PCDHA5: variants seen among roughly 807,000 people sequenced by gnomAD.
PCDHA5 encodes the protein protocadherin alpha 5, also known as protocadherin alpha-5.
In PCDHA5, 43 loss-of-function variants were observed where a neutral mutation model predicts 61.6. The observed-to-expected ratio is 0.70, with a 90% CI of 0.55 to 0.90. The LOEUF is 0.90. Ranked by LOEUF, PCDHA5 falls within the 40% of genes least tolerant of loss-of-function variation. The pLI is 0.00. For missense variants in PCDHA5, 1,298 were observed against 1,222.7 expected (o/e 1.06, Z -0.92); for synonymous variants, 627 against 543.9 (o/e 1.15, Z -2.13).
intron 1 of PCDHA5, chr5:140,967,726 TG>T: frequency 6.2e-7 from 1 of 1,613,974 alleles, no homozygotes; most frequent in Non-Finnish European, 8.5e-7. Flanking sequence ...TGCGAGTAAT[TG>T]GGGGGCTGGA....
intron 3 of PCDHA5, among the ~76,000 whole-genome samples, chr5:140,985,392 C>T (rs1329580146): frequency 6.6e-6 from 1 of 152,172 alleles, no homozygotes; most frequent in Non-Finnish European, 1.5e-5. Context: ...CCAGTCACCC[C>T]AACTGTTCCC....
chr5:140,954,885 T>C (rs1291095041), intron 1 of PCDHA5, among the ~76,000 whole-genome samples: 1 of 152,218 alleles, frequency 6.6e-6, no homozygotes, highest in Non-Finnish European at 1.5e-5. Context: ...GCTTTTCTTC[T>C]AGGGTTTTTA....
chr5:140,821,988 G>T lies in PCDHA5; in HGVS notation c.213G>T (p.Gly71=). ...TCCGGGTGGCGTCCAAGGGCCGCGG[G>T]GACCTTCTGGAGGTAAATCTGCAGA... is the stretch of plus-strand genomic sequence containing the variant. ...RLFRVASKGR[G]DLLEVNLQNG... is the part of the protein sequence containing the mutation. The change falls in exon 1 of 4, where the codon GGG becomes GGT. Residue 71 remains glycine (G), a synonymous_variant. Coordinates refer to ENST00000529859, the MANE Select transcript of PCDHA5 (RefSeq NM_018908.3). The T allele has an allele frequency of 6.2e-7, 1 of 1,614,188 alleles. No individual in the cohort carries two copies. The highest frequency in any genetic ancestry group is 1.3e-5 in the African/African-American group (1 of 75,060).
intron 1 of PCDHA5, chr5:140,966,547 G>A (rs2096020137): frequency 2.1e-6 from 1 of 467,502 alleles, no homozygotes; most frequent in Non-Finnish European, 3.6e-6. Context: ...ACTCGGAGGC[G>A]AGCGGAGGAG....
chr5:140,903,211 C>T (rs1457584095), intron 1 of PCDHA5, among the ~76,000 whole-genome samples: 1 of 152,174 alleles, frequency 6.6e-6, no homozygotes, highest in African/African-American at 2.4e-5. Context: ...TCACCACATT[C>T]ATGCCAACAT....
chr5:140,968,370 A>T (rs1169551068), intron 1 of PCDHA5: 1 of 1,613,428 alleles, frequency 6.2e-7, no homozygotes, highest in African/African-American at 1.3e-5. Flanking sequence ...TATGCTGTCA[A>T]CTCCTTTGAC....
intron 1 of PCDHA5, chr5:140,841,266 CAG>C (rs1777120353): frequency 6.6e-7 from 1 of 1,522,182 alleles, no homozygotes; most frequent in African/African-American, 1.4e-5. Flanking sequence ...TCTGAAAGTA[CAG>C]TCGTTCATCT....
chr5:140,885,206 A>T (rs1304868227), intron 1 of PCDHA5, among the ~76,000 whole-genome samples: 1 of 152,038 alleles, frequency 6.6e-6, no homozygotes, highest in Admixed American at 6.6e-5. Context: ...CATATATCCC[A>T]TGAAAAATAT....
intron 1 of PCDHA5, chr5:140,824,624 T>TTTTTTTTTTTTTTTTTTTTTTTTTG (rs1562279900): frequency 7.6e-6 from 1 of 131,674 alleles, no homozygotes; most frequent in Non-Finnish European, 1.6e-5. Context: ...TTTTTTTTTT[T>TTTTTTTTTTTTTTTTTTTTTTTTTG]TTTTTTTTAT....
intron 1 of PCDHA5, among the ~76,000 whole-genome samples, chr5:140,934,320 T>C (rs910163789): frequency 6.6e-6 from 1 of 152,154 alleles, no homozygotes; most frequent in Non-Finnish European, 1.5e-5. Flanking sequence ...AAATGTCCAA[T>C]CATGAATGTA....
At chr5:140,922,241 G>A (rs1314775680) in intron 1 of PCDHA5, among the ~76,000 whole-genome samples, 1 of 152,192 alleles carries the variant, frequency 6.6e-6, no homozygotes, top group Non-Finnish European at 1.5e-5. Context: ...TGATGTGTAT[G>A]AAGATAAGTT....
At chr5:140,942,916 A>G (rs2093393160) in intron 1 of PCDHA5, among the ~76,000 whole-genome samples, 1 of 152,158 alleles carries the variant, frequency 6.6e-6, no homozygotes, top group Non-Finnish European at 1.5e-5. Context: ...GCGTGAAGAA[A>G]AAAAAAATTG....
At chr5:140,876,843 G>A (rs1554169011) in intron 1 of PCDHA5, 3 of 1,614,128 alleles carry the variant, frequency 1.9e-6, no homozygotes, top group East Asian at 2.2e-5. Flanking sequence ...CGTTCGCGCA[G>A]CCCGAGTACA....
chr5:140,972,947 C>T (rs1287629621), intron 1 of PCDHA5, among the ~76,000 whole-genome samples: 1 of 152,096 alleles, frequency 6.6e-6, no homozygotes, highest in African/African-American at 2.4e-5. Context: ...CAGATGTGAG[C>T]CACCATGCCC....
chr5:140,863,242 G>A (rs2047891518), intron 1 of PCDHA5: 3 of 1,345,158 alleles, frequency 2.2e-6, no homozygotes, highest in African/African-American at 2.9e-5. Context: ...GCGGGCTTTG[G>A]CGGGCGTCGA....
In PCDHA5 at chr5:140,843,327, T is replaced by C. The variant is rs2150357538; in HGVS notation, c.2352+19200T>C. On this transcript the variant is annotated intron_variant, in intron 1 of 3. Coordinates refer to ENST00000529859, the MANE Select transcript of PCDHA5 (RefSeq NM_018908.3). ...GCCACGGCCACGGTTCTGGTGTCGC[T>C]GGTGGAGAGCGGCCAGGCTCCAAAA... 16 of 1,595,936 alleles carry C rather than the reference T, an allele frequency of 1.0e-5. No individual in the cohort carries two copies. In the South Asian group the frequency reaches 1.5e-4, roughly 15 times the overall value.
chr5:140,906,377 A>G (rs1322510294), intron 1 of PCDHA5, among the ~76,000 whole-genome samples: 3 of 152,264 alleles, frequency 2.0e-5, no homozygotes, highest in Admixed American at 6.5e-5. Flanking sequence ...ATGCTATTAC[A>G]TAAAGTTAAC....
At position 140,829,373 on chromosome 5, in the gene PCDHA5, C is replaced by A. The variant is rs1202815393; in HGVS notation, c.2352+5246C>A. On this transcript the variant is annotated intron_variant, in intron 1 of 3. Transcript: ENST00000529859. The stretch of plus-strand genomic sequence containing the variant: ...GGCCTATGAGTTGGTGGTAACCGCG[C>A]GGGACGGGGGCTCGCCTTCGCTGTG... The A allele has an allele frequency of 4.3e-6, 7 of 1,614,082 alleles. No individual in the cohort carries two copies. In the African/African-American group the frequency reaches 6.7e-5, roughly 15 times the overall value.
intron 1 of PCDHA5, among the ~76,000 whole-genome samples, chr5:140,965,734 AT>A (rs2095929489): frequency 6.6e-6 from 1 of 152,220 alleles, no homozygotes; most frequent in Non-Finnish European, 1.5e-5. Flanking sequence ...ATTTTACCAG[AT>A]TTTCCCCATT....
Sources: allele counts gnomAD v4.1 joint callset (sites outside exome capture counted in the v4.1 genomes callset), GRCh38; gene constraint gnomAD v4.1.1; transcripts MANE v1.5; gene names NCBI Gene and HGNC (gene_info 2026-07-23, HGNC 2026-07-21).